Variants in LRP1B observed in about 807,000 individuals in gnomAD.
LRP1B encodes the protein low-density lipoprotein receptor-related protein 1B.
In LRP1B, 217 loss-of-function variants were observed where a neutral mutation model predicts 556.6. The ratio of observed to expected loss-of-function variants is 0.39; its 90% CI spans 0.35 to 0.44. LRP1B has a LOEUF of 0.44. Ranked by LOEUF, LRP1B falls within the 20% of genes least tolerant of loss-of-function variation. The pLI is 1.00. For synonymous variants in LRP1B, 2,047 were observed against 1,865.8 expected (o/e 1.10, Z -2.50); for missense variants, 5,053 against 5,620.8 (o/e 0.90, Z 3.23).
chr2:140,250,528 T>C (rs1298052062), intron 86 of LRP1B, among the ~76,000 whole-genome samples: 1 of 151,812 alleles, frequency 6.6e-6, no homozygotes, highest in African/African-American at 2.4e-5. Context: ...ACTTCTTTTT[T>C]TTTTTCCTAG....
intron 84 of LRP1B, among the ~76,000 whole-genome samples, chr2:140,287,026 A>G (rs968838281): frequency 6.6e-6 from 1 of 151,776 alleles, no homozygotes; most frequent in African/African-American, 2.4e-5. Flanking sequence ...TAGTTCATAT[A>G]TATTTACTTC....
At chr2:141,606,389 T>A (rs1471473695) in intron 2 of LRP1B, among the ~76,000 whole-genome samples, 1 of 152,166 alleles carries the variant, frequency 6.6e-6, no homozygotes, top group Non-Finnish European at 1.5e-5. Flanking sequence ...TATAAAACAT[T>A]AAGCTAAAAA....
At chr2:140,988,048 G>A (rs187967988) in intron 17 of LRP1B, among the ~76,000 whole-genome samples, 1 of 152,208 alleles carries the variant, frequency 6.6e-6, no homozygotes, top group Non-Finnish European at 1.5e-5. Flanking sequence ...CATATGGCAA[G>A]AGCAACTTGA....
At chr2:140,531,369 C>T (rs1487269712) in intron 47 of LRP1B, among the ~76,000 whole-genome samples, 3 of 152,010 alleles carry the variant, frequency 2.0e-5, no homozygotes, top group Admixed American at 6.6e-5. Flanking sequence ...TATTTCTCTC[C>T]GCTTACTTCC....
chr2:140,908,393 A>ATATAT (rs1559188028), intron 21 of LRP1B, among the ~76,000 whole-genome samples: 3 of 143,732 alleles, frequency 2.1e-5, no homozygotes, highest in African/African-American at 7.6e-5. Flanking sequence ...TATATATATA[A>ATATAT]AAAGAAGGTT....
At chr2:141,158,743 A>AATATTCCT (rs1702128954) in intron 7 of LRP1B, among the ~76,000 whole-genome samples, 1 of 152,140 alleles carries the variant, frequency 6.6e-6, no homozygotes, top group Admixed American at 6.6e-5. Flanking sequence ...AAACTGTAAG[A>AATATTCCT]ATATTCCTCT....
chr2:141,360,921 A>T (rs944275551), intron 3 of LRP1B, among the ~76,000 whole-genome samples: 13 of 152,242 alleles, frequency 8.5e-5, no homozygotes, highest in Admixed American at 3.9e-4. Context: ...GAAAGTATTA[A>T]ATTGAAATAT....
intron 2 of LRP1B, among the ~76,000 whole-genome samples, chr2:141,803,388 C>T (rs1368909591): frequency 6.6e-6 from 1 of 151,838 alleles, no homozygotes; most frequent in African/African-American, 2.4e-5. Context: ...CCTATCCCCC[C>T]TGCATATCAA....
At chr2:140,662,603 G>A (rs566324469) in intron 41 of LRP1B, among the ~76,000 whole-genome samples, 1 of 152,148 alleles carries the variant, frequency 6.6e-6, no homozygotes, top group Admixed American at 6.5e-5. Flanking sequence ...TATAATTTCA[G>A]TGGTAAAAGA....
At chr2:140,683,839 C>T (rs868140233) in intron 41 of LRP1B, 11 of 641,746 alleles carry the variant, frequency 1.7e-5, no homozygotes, top group Middle Eastern at 9.3e-4. Flanking sequence ...AGGCAGCAGC[C>T]GACCCCGAAA....
chr2:141,927,527 G>T lies in LRP1B; in HGVS notation c.83-117126C>A, dbSNP rs578155654. On this transcript the variant is annotated intron_variant, in intron 1 of 90. Transcript: ENST00000389484. ...TCATTGATTTTGCTACTCATGAGTG[G>T]TAAGTACCTGTAGGCATATCCTAAT... 4.6e-5 allele frequency among the ~76,000 whole-genome samples: 7 copies of T among 152,080 alleles called. No homozygotes were observed. The East Asian group carries it at 1.4e-3, about 29-fold the overall frequency.
chr2:141,083,661 C>T (rs2049479), intron 7 of LRP1B, among the ~76,000 whole-genome samples: 129,030 of 152,156 alleles, frequency 0.85, 55,067 homozygotes, highest in Non-Finnish European at 0.89. Context: ...TATGGATTAA[C>T]GGATTAATAG....
chr2:141,626,431 C>T (rs545754918), intron 2 of LRP1B, among the ~76,000 whole-genome samples: 49 of 152,260 alleles, frequency 3.2e-4, no homozygotes, highest in African/African-American at 1.1e-3. Context: ...GCACTAAAGA[C>T]ACCAACTATG....
chr2:140,686,691 G>A (rs1686064028), intron 41 of LRP1B, among the ~76,000 whole-genome samples: 1 of 151,790 alleles, frequency 6.6e-6, no homozygotes, highest in Non-Finnish European at 1.5e-5. Flanking sequence ...TTTGTGATGA[G>A]GTAAATTAGG....
intron 7 of LRP1B, among the ~76,000 whole-genome samples, chr2:141,068,837 A>C (rs1699556112): frequency 6.6e-6 from 1 of 151,988 alleles, no homozygotes; most frequent in South Asian, 2.1e-4. Flanking sequence ...ATTCTACTTT[A>C]GGGAATATTT....
At chr2:141,447,275 T>C (rs1000686666) in intron 3 of LRP1B, among the ~76,000 whole-genome samples, 1 of 111,286 alleles carries the variant, frequency 9.0e-6, no homozygotes, top group Non-Finnish European at 2.2e-5. Flanking sequence ...TTCATTTATG[T>C]TCTTCTCTAA....
intron 21 of LRP1B, among the ~76,000 whole-genome samples, chr2:140,919,520 G>T (rs1224240380): frequency 3.3e-5 from 5 of 151,922 alleles, no homozygotes; most frequent in Non-Finnish European, 7.4e-5. Flanking sequence ...TTCTTTCCAG[G>T]TTCTGATTTC....
chr2:140,951,808 C>T (rs1383943062), intron 19 of LRP1B, 52 bp downstream of exon 19: 15 of 1,426,770 alleles, frequency 1.1e-5, no homozygotes, highest in Non-Finnish European at 1.5e-5. Flanking sequence ...GCAGTCCAGA[C>T]CGCCAAGCCC....
intron 3 of LRP1B, among the ~76,000 whole-genome samples, chr2:141,452,578 T>A (rs1681461891): frequency 6.6e-6 from 1 of 152,184 alleles, no homozygotes; most frequent in Non-Finnish European, 1.5e-5. Context: ...CTAGCATCGA[T>A]TACACATGGC....
Sources: allele counts gnomAD v4.1 joint callset (sites outside exome capture counted in the v4.1 genomes callset), GRCh38; gene constraint gnomAD v4.1.1; transcripts MANE v1.5; gene names NCBI Gene and HGNC (gene_info 2026-07-23, HGNC 2026-07-21).